Variants in CFAP45 observed in about 807,000 individuals in gnomAD.
The protein encoded by CFAP45 is cilia and flagella associated protein 45.
In CFAP45, 43 loss-of-function variants were observed where a neutral mutation model predicts 75.6. The observed-to-expected ratio is 0.57, with a 90% CI of 0.45 to 0.73. The LOEUF is 0.73. Ranked by LOEUF, CFAP45 falls within the 30% of genes least tolerant of loss-of-function variation. The pLI is 0.00. For missense variants in CFAP45, 689 were observed against 701.5 expected (o/e 0.98, Z 0.20); for synonymous variants, 223 against 244.6 (o/e 0.91, Z 0.82).
At position 159,893,266 on chromosome 1, in the gene CFAP45, C is replaced by A; in HGVS notation, c.43G>T (p.Ala15Ser). 6.2e-7 allele frequency: 1 copy of A among 1,613,702 alleles called. No homozygotes were observed. The highest frequency in any genetic ancestry group is 8.5e-7 in the Non-Finnish European group (1 of 1,179,886). Reference sequence around the variant, plus strand: ...GCCTTATTCCTTGACCTGTTGGAAGCGGCAGAAGAGGAGCTCAGGATGCCA... The same window carrying A: ...GCCTTATTCCTTGACCTGTTGGAAGAGGCAGAAGAGGAGCTCAGGATGCCA... ...TAGILSSSSA[A>S]SNRSRNKARY... Residue 15 changes from alanine (A) to serine (S), a missense_variant, in exon 2 of 12, where the codon GCT becomes TCT. Coordinates refer to ENST00000368099, the MANE Select transcript of CFAP45 (RefSeq NM_012337.3).
Position 159,873,085 on chromosome 1 carries a change from C to T in CFAP45, c.1436G>A (p.Arg479Gln), listed in dbSNP as rs764928746. The part of the protein sequence containing the change: ...TGRLQHANEL[R>Q]RQVRENQQKE... ...CTGCTGGTTCTCGCGCACCTGGCGC[C>T]GGAGCTCATTGGCATGCTGTAAGCG... The change falls in exon 11 of 12, where the codon CGG becomes CAG. Residue 479 changes from arginine to glutamine, a missense_variant. Physicochemically the swap from Arg to Gln is conservative, Grantham distance 43 (BLOSUM62 1). Coordinates refer to ENST00000368099, the MANE Select transcript of CFAP45 (RefSeq NM_012337.3). 9.9e-6 allele frequency: 16 copies of T among 1,614,094 alleles called. No individual in the cohort carries two copies. The highest frequency in any genetic ancestry group is 2.2e-5 in the East Asian group (1 of 44,882).
intron 11 of CFAP45, 77 bp downstream of exon 11, chr1:159,872,867 C>T: frequency 7.0e-7 from 1 of 1,422,650 alleles, no homozygotes; most frequent in Non-Finnish European, 9.8e-7. Context: ...CCCCCAAATC[C>T]CCATGCTTTC....
At chr1:159,895,785 A>C (rs1422250752) in intron 1 of CFAP45, among the ~76,000 whole-genome samples, 4 of 152,246 alleles carry the variant, frequency 2.6e-5, no homozygotes, top group Non-Finnish European at 5.9e-5. Flanking sequence ...TAGAAACTTC[A>C]GTAGGTGGGA....
chr1:159,876,556 C>A lies in CFAP45; in HGVS notation c.1352G>T (p.Arg451Leu). ...RDRDEFERIL[R>L]AQREQIEKER... The stretch of plus-strand genomic sequence containing the variant: ...TCCAAGGTTCCCAGGCCCCTCCTAC[C>A]GAAGAATCCTCTCGAACTCATCCCG... The change falls in exon 10 of 12, where the codon CGG becomes CTG. Residue 451 changes from arginine to leucine, a missense_variant and splice_region_variant. Physicochemically the swap from Arg to Leu is moderately radical, Grantham distance 102 (BLOSUM62 -2). Coordinates refer to ENST00000368099, the MANE Select transcript of CFAP45 (RefSeq NM_012337.3). 1 of 1,609,984 alleles carries A rather than the reference C, an allele frequency of 6.2e-7. No individual in the cohort carries two copies.
chr1:159,899,930 G>T, intron 1 of CFAP45, 166 bp downstream of exon 1: 1 of 655,756 alleles, frequency 1.5e-6, no homozygotes, highest in South Asian at 2.0e-5. Flanking sequence ...TTCCTCTTTT[G>T]AACCCACCTC....
intron 2 of CFAP45, among the ~76,000 whole-genome samples, chr1:159,890,943 G>C (rs1649816158): frequency 6.6e-6 from 1 of 151,944 alleles, no homozygotes. Context: ...ATTTTTAGTA[G>C]AGTCGGGGTT....
At chr1:159,880,206 A>C (rs1425916750) in intron 8 of CFAP45, among the ~76,000 whole-genome samples, 1 of 152,234 alleles carries the variant, frequency 6.6e-6, no homozygotes, top group African/African-American at 2.4e-5. Flanking sequence ...ACTCATGATT[A>C]CCGGGGGTAT....
At chr1:159,894,077 C>G (rs2101852424) in intron 1 of CFAP45, among the ~76,000 whole-genome samples, 1 of 152,188 alleles carries the variant, frequency 6.6e-6, no homozygotes, top group East Asian at 1.9e-4. Context: ...ATCAAAACAT[C>G]ACACTATACC....
chr1:159,873,044 G>A lies in CFAP45; in HGVS notation c.1477C>T (p.Arg493Trp), dbSNP rs148876212. Residue 493 changes from arginine to tryptophan, a missense_variant, in exon 11 of 12, where the codon CGG (arginine) becomes TGG (tryptophan). By Grantham distance (101) the Arg-to-Trp change is moderately radical (BLOSUM62 -3). Coordinates refer to ENST00000368099, the MANE Select transcript of CFAP45 (RefSeq NM_012337.3). ...RENQQKEVQN[R>W]IATFEEGRRL... ...CGGCCCTCCTCAAAGGTGGCAATCCGGTTCTGCACTTCCTTCTGCTGGTTC... is the reference window on the plus strand; with the variant it reads ...CGGCCCTCCTCAAAGGTGGCAATCCAGTTCTGCACTTCCTTCTGCTGGTTC... 1.0e-4 allele frequency: 162 copies of A among 1,614,222 alleles called. No homozygotes were observed. The Middle Eastern group carries it at 4.1e-3, about 41-fold the overall frequency.
At chr1:159,898,994 A>G (rs544726818) in intron 1 of CFAP45, among the ~76,000 whole-genome samples, 1 of 152,322 alleles carries the variant, frequency 6.6e-6, no homozygotes, top group Admixed American at 6.5e-5. Flanking sequence ...AAGTCTGTCC[A>G]CAAGTACATC....
At chr1:159,893,839 G>T (rs2101852275) in intron 1 of CFAP45, among the ~76,000 whole-genome samples, 1 of 151,630 alleles carries the variant, frequency 6.6e-6, no homozygotes, top group East Asian at 1.9e-4. Flanking sequence ...AGAATGACTA[G>T]AGTTAACAAT....
At chr1:159,896,055 G>A (rs1457213051) in intron 1 of CFAP45, among the ~76,000 whole-genome samples, 4 of 152,196 alleles carry the variant, frequency 2.6e-5, no homozygotes, top group Admixed American at 6.5e-5. Flanking sequence ...TCCAGATCAC[G>A]TATGTGGTCT....
chr1:159,886,489 G>C (rs1374431039), intron 6 of CFAP45, 22 bp downstream of exon 6: 4 of 1,608,866 alleles, frequency 2.5e-6, no homozygotes, highest in Non-Finnish European at 3.4e-6. Context: ...TAGAGAGGGA[G>C]ATGCCAAAAC....
chr1:159,882,621 G>T (rs190268682), intron 7 of CFAP45, among the ~76,000 whole-genome samples: 2 of 152,278 alleles, frequency 1.3e-5, no homozygotes, highest in East Asian at 3.9e-4. Context: ...AGGTTTCCTT[G>T]CTAAAGTTGC....
At chr1:159,891,006 G>T (rs577214357) in intron 2 of CFAP45, among the ~76,000 whole-genome samples, 2 of 152,042 alleles carry the variant, frequency 1.3e-5, no homozygotes, top group Admixed American at 1.3e-4. Context: ...TGATCCGCCC[G>T]CCTGGGCCTC....
chr1:159,876,464 G>A, intron 10 of CFAP45, 92 bp downstream of exon 10: 2 of 933,250 alleles, frequency 2.1e-6, no homozygotes, highest in East Asian at 5.2e-5. Context: ...ACGAGCATCT[G>A]TTAACATGCC....
Position 159,888,022 on chromosome 1 carries a change from C to T in CFAP45, c.418-11G>A. The T allele has an allele frequency of 6.2e-7, 1 of 1,612,650 alleles. No individual in the cohort carries two copies. Among genetic ancestry groups the T allele is most frequent in the Non-Finnish European group, 8.5e-7 (1 of 1,178,856 alleles). The stretch of plus-strand genomic sequence containing the variant: ...TGTCATCACTGCATCCTAAGGGAGA[C>T]CAGTCTGGCTCAGTGGGAGATTATT... On this transcript the variant is annotated splice_polypyrimidine_tract_variant and intron_variant, in intron 4 of 11. Coordinates refer to ENST00000368099, the MANE Select transcript of CFAP45 (RefSeq NM_012337.3).
chr1:159,893,899 A>T (rs1649890236), intron 1 of CFAP45, among the ~76,000 whole-genome samples: 1 of 150,960 alleles, frequency 6.6e-6, no homozygotes, highest in Admixed American at 6.6e-5. Context: ...GTATACAATA[A>T]TATATATAAA....
chr1:159,899,244 G>C (rs947522700), intron 1 of CFAP45, among the ~76,000 whole-genome samples: 1 of 151,892 alleles, frequency 6.6e-6, no homozygotes, highest in East Asian at 1.9e-4. Flanking sequence ...TCTCTCTCCC[G>C]GGCCTTGCAA....
Sources: gnomAD v4.1 joint callset for allele counts (sites outside exome capture counted in the v4.1 genomes callset) on GRCh38, gnomAD v4.1.1 for gene constraint, MANE v1.5 for transcripts, NCBI Gene and HGNC (gene_info 2026-07-23, HGNC 2026-07-21) for gene names.